DGAT2L6: variants seen among roughly 807,000 people sequenced by gnomAD.
DGAT2L6 encodes diacylglycerol O-acyltransferase 2 like 6.
In DGAT2L6, 22 loss-of-function variants were observed where a neutral mutation model predicts 25.5. The observed-to-expected ratio is 0.86, with a 90% CI of 0.62 to 1.23. The LOEUF (loss-of-function observed/expected upper bound fraction) is 1.23, where lower values mean the gene tolerates loss of function less well. Ranked by LOEUF, DGAT2L6 falls within the 50% of genes most tolerant of loss-of-function variation. The pLI is 0.00. For synonymous variants in DGAT2L6, 100 were observed against 94.7 expected, an observed-to-expected ratio of 1.06 and a Z score of -0.32; for missense variants, 287 against 253.2, an observed-to-expected ratio of 1.13 and a Z score of -0.91.
chrX:70,201,292 G>T (rs767884849), intron 4 of DGAT2L6, among the ~76,000 whole-genome samples: 1 of 112,293 alleles, frequency 8.9e-6, no homozygotes, highest in Non-Finnish European at 1.9e-5. Context: ...GAAGGTGAGC[G>T]CAGGGCAAAG....
At chrX:70,197,604 T>C (rs982758202) in intron 1 of DGAT2L6, among the ~76,000 whole-genome samples, 10 of 112,677 alleles carry the variant, frequency 8.9e-5, no homozygotes, top group African/African-American at 3.2e-4. Flanking sequence ...GAGAAAACAT[T>C]TGCTTATTTC....
chrX:70,186,873 G>A (rs756996501), intron 1 of DGAT2L6, among the ~76,000 whole-genome samples: 2 of 112,311 alleles, frequency 1.8e-5, no homozygotes, highest in African/African-American at 3.2e-5. Flanking sequence ...ACTGAGAGAT[G>A]AGGCTAGGAA....
intron 1 of DGAT2L6, among the ~76,000 whole-genome samples, chrX:70,196,514 G>A (rs867345201): frequency 2.1e-3 from 150 of 71,619 alleles, no homozygotes; most frequent in Non-Finnish European, 2.2e-3. Flanking sequence ...AAAGAAAAAA[G>A]AAAAAAAAAG....
At chrX:70,181,827 C>T (rs770017775) in intron 1 of DGAT2L6, among the ~76,000 whole-genome samples, 2 of 111,426 alleles carry the variant, frequency 1.8e-5, no homozygotes, top group Admixed American at 9.5e-5. Flanking sequence ...AGGGAATCAC[C>T]GTGGAATGGC....
At chrX:70,202,466 G>A (rs756876758) in intron 5 of DGAT2L6, among the ~76,000 whole-genome samples, 110 of 111,822 alleles carry the variant, frequency 9.8e-4, no homozygotes, top group South Asian at 3.7e-3. Context: ...ATACAATCTG[G>A]TTTGAGAAAT....
Position 70,177,509 on chromosome X carries a change from C to CTA in DGAT2L6, c.-71_-70dup. ...ACAGTAAGAGATTATAGCAAAGCAT[C>CTA]TATAATCAACTCAGCTTAAGAAGTT... is the stretch of plus-strand genomic sequence containing the variant. On this transcript the variant is annotated 5_prime_UTR_variant, in exon 1 of 7. Transcript: ENST00000333026. 1.0e-6 allele frequency: 1 copy of CTA among 962,605 alleles called. No individual in the cohort carries two copies. The highest frequency in any genetic ancestry group is 1.5e-6 in the Non-Finnish European group (1 of 681,605). 79.3% of individuals were successfully genotyped at this position (962,605 alleles called of 1,213,427 possible).
At position 70,200,294 on chromosome X, in the gene DGAT2L6, A is replaced by G; in HGVS notation, c.307A>G (p.Ile103Val). The change falls in exon 4 of 7, where the codon ATC becomes GTC. Residue 103 changes from isoleucine (I) to valine (V), a missense_variant. Physicochemically the swap from Ile to Val is conservative, Grantham distance 29. Coordinates refer to ENST00000333026, the MANE Select transcript of DGAT2L6 (RefSeq NM_198512.3). ...THDLSPKHNY[I>V]IANHPHGILS... The stretch of plus-strand genomic sequence containing the variant: ...TGATCTTTCTCCCAAACACAACTAC[A>G]TCATTGCCAATCACCCCCATGGCAT... 1 of 1,210,904 alleles carries G rather than the reference A, an allele frequency of 8.3e-7. No individual in the cohort carries two copies.
In DGAT2L6 at chrX:70,199,294, C is replaced by A; in HGVS notation, c.109C>A (p.Pro37Thr). Residue 37 changes from proline to threonine, a missense_variant, in exon 2 of 7, where the codon CCC becomes ACC. Transcript: ENST00000333026. ...FLGAIPILLIPYFLLFSKFWP... is the reference protein window; with the variant it reads ...FLGAIPILLITYFLLFSKFWP... ...AGGAGCTATTCCCATTCTCCTTATACCCTACTTTCTGTTATTCAGTAAGTT... is the reference window on the plus strand; with the variant it reads ...AGGAGCTATTCCCATTCTCCTTATAACCTACTTTCTGTTATTCAGTAAGTT... 3 of 1,190,097 alleles carry A rather than the reference C, an allele frequency of 2.5e-6. No homozygotes were observed. Among genetic ancestry groups the A allele is most frequent in the Non-Finnish European group, 3.4e-6 (3 of 883,092 alleles).
At position 70,201,994 on chromosome X, in the gene DGAT2L6, T is replaced by G; in HGVS notation, c.577T>G (p.Cys193Gly). Reference sequence around the variant, plus strand: ...GGGTGGAGCTGCTGAAGCTCTCTTGTGCCGACCAGGAGCCTCCACTCTCTT... The same window carrying G: ...GGGTGGAGCTGCTGAAGCTCTCTTGGGCCGACCAGGAGCCTCCACTCTCTT... ...VVGGAAEALL[C>G]RPGASTLFLK... The change falls in exon 5 of 7, where the codon TGC (cysteine) becomes GGC (glycine). Residue 193 changes from cysteine (C) to glycine (G), a missense_variant. Transcript: ENST00000333026. The G allele has an allele frequency of 8.3e-7, 1 of 1,209,908 alleles. No individual in the cohort carries two copies. Among genetic ancestry groups the G allele is most frequent in the East Asian group, 3.0e-5 (1 of 33,697 alleles).
chrX:70,196,868 A>G (rs1228884944), intron 1 of DGAT2L6, among the ~76,000 whole-genome samples: 2 of 112,793 alleles, frequency 1.8e-5, no homozygotes, highest in African/African-American at 6.4e-5. Flanking sequence ...CAAAGAGGAT[A>G]TACAGAAAGC....
intron 1 of DGAT2L6, among the ~76,000 whole-genome samples, chrX:70,184,403 A>G (rs1461223737): frequency 3.6e-5 from 4 of 110,745 alleles, no homozygotes; most frequent in African/African-American, 1.3e-4. Flanking sequence ...ACTTTATTAC[A>G]TCTTCAGGAA....
intron 1 of DGAT2L6, among the ~76,000 whole-genome samples, chrX:70,182,951 C>T (rs773054118): frequency 1.8e-5 from 2 of 109,858 alleles, no homozygotes; most frequent in East Asian, 5.8e-4. Context: ...CCACCGCGCC[C>T]GACCATTTCT....
intron 1 of DGAT2L6, 43 bp downstream of exon 1, chrX:70,177,710 C>T: frequency 1.8e-6 from 2 of 1,091,985 alleles, no homozygotes; most frequent in South Asian, 1.9e-5. Flanking sequence ...GGGAACAAAC[C>T]AAAAGAGTGG....
At chrX:70,201,122 C>T (rs2085408904) in intron 4 of DGAT2L6, among the ~76,000 whole-genome samples, 1 of 111,854 alleles carries the variant, frequency 8.9e-6, no homozygotes, top group African/African-American at 3.3e-5. Context: ...TGAAGCCAAA[C>T]ATCCAAAGGT....
At chrX:70,191,475 A>G (rs768210824) in intron 1 of DGAT2L6, among the ~76,000 whole-genome samples, 1 of 111,974 alleles carries the variant, frequency 8.9e-6, no homozygotes, top group East Asian at 2.8e-4. Context: ...AGAGAAACAA[A>G]AAAAGAAAAA....
At chrX:70,187,672 C>T (rs1377467157) in intron 1 of DGAT2L6, among the ~76,000 whole-genome samples, 1 of 112,418 alleles carries the variant, frequency 8.9e-6, no homozygotes, top group Non-Finnish European at 1.9e-5. Context: ...ATTTAATGCA[C>T]TGGCTGCATC....
intron 2 of DGAT2L6, 135 bp downstream of exon 2, chrX:70,199,516 C>T: frequency 2.0e-6 from 1 of 498,070 alleles, no homozygotes; most frequent in Middle Eastern, 5.6e-4. Context: ...GAGAGCAAAG[C>T]TCAGCAGGGA....
Position 70,205,656 on chromosome X carries a change from T to C in DGAT2L6, c.*550T>C, listed in dbSNP as rs1464502518. The C allele has an allele frequency of 8.9e-6, 1 of 112,076 alleles. No homozygotes were observed. The highest frequency in any genetic ancestry group is 3.2e-5 in the African/African-American group (1 of 30,783). 9.2% of individuals were successfully genotyped at this position (112,076 alleles called of 1,213,427 possible). On this transcript the variant is annotated 3_prime_UTR_variant, in exon 7 of 7. Transcript: ENST00000333026. ...ATAGAGTTCTAGATTGGCAATGCAGTTACATTGTTTCTTCTTTGAAAATAA... is the reference window on the plus strand; with the variant it reads ...ATAGAGTTCTAGATTGGCAATGCAGCTACATTGTTTCTTCTTTGAAAATAA...
intron 5 of DGAT2L6, among the ~76,000 whole-genome samples, chrX:70,202,519 CAGGCATAGTACT>C (rs1299703596): frequency 8.9e-6 from 1 of 112,177 alleles, no homozygotes; most frequent in Non-Finnish European, 1.9e-5. Context: ...CACTGTATAT[CAGGCATAGTACT>C]AGGCATTTAG....
Sources: allele counts gnomAD v4.1 joint callset (sites outside exome capture counted in the v4.1 genomes callset), GRCh38; gene constraint gnomAD v4.1.1; transcripts MANE v1.5; gene names NCBI Gene and HGNC (gene_info 2026-07-23, HGNC 2026-07-21).